Variants in CHD9 observed in about 807,000 individuals in gnomAD.
The protein encoded by CHD9 is ATP-dependent chromatin remodeler CHD9.
Under a neutral mutation model 316.1 loss-of-function variants are expected in CHD9, and 77 were observed. That is an observed-to-expected ratio of 0.24 (90% CI 0.20 to 0.29). The LOEUF is 0.29. CHD9 is among the 10% of genes least tolerant of loss of function. The probability of loss-of-function intolerance (pLI) is 1.00; values close to 1 mark genes in which losing one functional copy is unlikely to be tolerated. For missense variants in CHD9, 2,763 were observed against 3,438.1 expected, an observed-to-expected ratio of 0.80 and a Z score of 4.91; for synonymous variants, 1,129 against 1,158.3, an observed-to-expected ratio of 0.97 and a Z score of 0.51.
intron 36 of CHD9, among the ~76,000 whole-genome samples, chr16:53,316,927 G>A (rs1109646): frequency 0.28 from 42,234 of 151,944 alleles, 5,977 homozygotes; most frequent in Middle Eastern, 0.32. Flanking sequence ...GGCCGGGTGC[G>A]GTAGCTCACG....
chr16:53,313,387 C>A (rs966873970), intron 34 of CHD9, among the ~76,000 whole-genome samples: 1 of 151,986 alleles, frequency 6.6e-6, no homozygotes, highest in African/African-American at 2.4e-5. Flanking sequence ...CTCACAGCAA[C>A]CTCCGCCTCC....
chr16:53,133,333 T>C (rs922449491), intron 1 of CHD9, among the ~76,000 whole-genome samples: 8 of 152,126 alleles, frequency 5.3e-5, no homozygotes, highest in Non-Finnish European at 7.4e-5. Context: ...ATGAGCAGGC[T>C]ACTTTAATCG....
chr16:53,299,963 C>A (rs990564637), intron 30 of CHD9, among the ~76,000 whole-genome samples: 2 of 152,218 alleles, frequency 1.3e-5, no homozygotes, highest in African/African-American at 4.8e-5. Context: ...ACAAGTGTTA[C>A]ATTTACTTTA....
intron 30 of CHD9, among the ~76,000 whole-genome samples, chr16:53,297,417 TAGG>T (rs1483108119): frequency 6.6e-6 from 1 of 152,212 alleles, no homozygotes; most frequent in Non-Finnish European, 1.5e-5. Flanking sequence ...GATTTATGAT[TAGG>T]AGGTGGTGGA....
rs2056762927 is a variant in CHD9, at chr16:53,314,890, C to T, written c.7430C>T (p.Pro2477Leu). The change falls in exon 36 of 39, where the codon CCT becomes CTT. Residue 2477 changes from proline (P) to leucine (L), a missense_variant. By Grantham distance (98) the Pro-to-Leu change is moderately conservative (BLOSUM62 -3). Transcript: ENST00000447540. ...GINPALSYTQ[P>L]QGIPDTESPV... ...AATCCAGCACTATCCTATACTCAAC[C>T]TCAAGGAATTCCTGATACAGAAAGT... 1 of 1,613,560 alleles carries T rather than the reference C, an allele frequency of 6.2e-7. No individual in the cohort carries two copies. The highest frequency in any genetic ancestry group is 1.3e-5 in the African/African-American group (1 of 74,870).
At chr16:53,070,948 T>C (rs1256795369) in intron 1 of CHD9, among the ~76,000 whole-genome samples, 1 of 152,210 alleles carries the variant, frequency 6.6e-6, no homozygotes, top group Non-Finnish European at 1.5e-5. Context: ...CCAGATTTGT[T>C]CTTTTTCATG....
chr16:53,287,913 TA>T (rs1407450136), intron 26 of CHD9, 43 bp from the exon 27 acceptor site: 1 of 1,452,218 alleles, frequency 6.9e-7, no homozygotes, highest in Non-Finnish European at 9.7e-7. Flanking sequence ...AGTGAAATCT[TA>T]AGTCCATTAC....
At chr16:53,256,520 G>A (rs1359109641) in intron 19 of CHD9, among the ~76,000 whole-genome samples, 3 of 149,202 alleles carry the variant, frequency 2.0e-5, no homozygotes, top group Non-Finnish European at 1.5e-5. Context: ...ACGGGGTTTC[G>A]CCATGTTAGC....
chr16:53,319,246 T>C (rs900986186), intron 37 of CHD9, among the ~76,000 whole-genome samples: 1 of 152,210 alleles, frequency 6.6e-6, no homozygotes. Context: ...ACATTTCTCA[T>C]TGCGTTATTT....
intron 1 of CHD9, among the ~76,000 whole-genome samples, chr16:53,123,659 G>A (rs898960105): frequency 2.0e-5 from 3 of 151,788 alleles, no homozygotes; most frequent in South Asian, 2.1e-4. Context: ...ACACCACAAC[G>A]CCTGGCAAAT....
In CHD9 at chr16:53,285,599, C is replaced by T; in HGVS notation, c.4971C>T (p.Asp1657=). 1.3e-6 allele frequency: 2 copies of T among 1,586,424 alleles called. No individual in the cohort carries two copies. The highest frequency in any genetic ancestry group is 1.7e-6 in the Non-Finnish European group (2 of 1,163,498). Residue 1657 remains aspartate (D), a synonymous_variant, in exon 25 of 39, where the codon GAC becomes GAT. Transcript: ENST00000447540. ...CCATATTATGATTTTTTTAAAGTGA[C>T]ATTGATGTTTGGGTACCAGAACCAG... ...QKVFDGVDAS[D]IDVWVPEPDH...
chr16:53,184,825 T>C (rs2043845516), intron 2 of CHD9, among the ~76,000 whole-genome samples: 1 of 152,038 alleles, frequency 6.6e-6, no homozygotes, highest in Non-Finnish European at 1.5e-5. Flanking sequence ...GTTCTGGTGA[T>C]ATTGAGTTAG....
intron 2 of CHD9, among the ~76,000 whole-genome samples, chr16:53,202,408 T>C (rs2045537596): frequency 6.6e-6 from 1 of 152,002 alleles, no homozygotes; most frequent in Non-Finnish European, 1.5e-5. Context: ...TTTTTTTTTT[T>C]TCTGTTTTGT....
intron 25 of CHD9, among the ~76,000 whole-genome samples, chr16:53,285,956 T>C (rs545690204): frequency 4.6e-5 from 7 of 152,306 alleles, no homozygotes; most frequent in African/African-American, 1.4e-4. Context: ...ATGTGAGATA[T>C]GTTTGTGTGT....
chr16:53,091,001 A>ACCC (rs5816887), intron 1 of CHD9, among the ~76,000 whole-genome samples: 9 of 147,058 alleles, frequency 6.1e-5, no homozygotes, highest in Admixed American at 2.8e-4. Flanking sequence ...GGAACAGCTC[A>ACCC]CCCCCCCCCG....
chr16:53,079,557 A>C (rs550154076), intron 1 of CHD9, among the ~76,000 whole-genome samples: 4 of 152,280 alleles, frequency 2.6e-5, no homozygotes, highest in South Asian at 4.1e-4. Flanking sequence ...TGTTATTCAT[A>C]ATAAGCCCCT....
intron 1 of CHD9, among the ~76,000 whole-genome samples, chr16:53,154,832 T>A (rs970171036): frequency 6.6e-6 from 1 of 152,192 alleles, no homozygotes; most frequent in Non-Finnish European, 1.5e-5. Flanking sequence ...GGGACCCCTG[T>A]TCTAGAGTTG....
intron 27 of CHD9, among the ~76,000 whole-genome samples, chr16:53,288,940 A>G (rs2054109482): frequency 6.6e-6 from 1 of 151,626 alleles, no homozygotes; most frequent in Non-Finnish European, 1.5e-5. Flanking sequence ...GGTAAAAACA[A>G]AAAGCACCTG....
At chr16:53,057,420 G>A (rs570233629) in intron 1 of CHD9, among the ~76,000 whole-genome samples, 17 of 151,936 alleles carry the variant, frequency 1.1e-4, no homozygotes, top group African/African-American at 3.1e-4. Context: ...TTGGGAGGCC[G>A]AGGTGGGTGG....
Sources: gnomAD v4.1 joint callset for allele counts (sites outside exome capture counted in the v4.1 genomes callset) on GRCh38, gnomAD v4.1.1 for gene constraint, MANE v1.5 for transcripts, NCBI Gene and HGNC (gene_info 2026-07-23, HGNC 2026-07-21) for gene names.